ZNF804A: variants seen among roughly 807,000 people sequenced by gnomAD.
ZNF804A encodes zinc finger protein 804A.
ZNF804A carries 2 observed loss-of-function variants against 16.5 expected under a neutral mutation model. That is an observed-to-expected ratio of 0.12 (90% CI 0.05 to 0.38). The LOEUF is 0.38. Ranked by LOEUF, ZNF804A falls within the 10% of genes least tolerant of loss-of-function variation. ZNF804A has a pLI of 0.99. For missense variants in ZNF804A, 1,473 were observed against 1,390.7 expected, an observed-to-expected ratio of 1.06 and a Z score of -0.94; for synonymous variants, 534 against 489.6, an observed-to-expected ratio of 1.09 and a Z score of -1.20.
chr2:184,799,892 A>G (rs988446017), intron 1 of ZNF804A, among the ~76,000 whole-genome samples: 2 of 152,126 alleles, frequency 1.3e-5, no homozygotes, highest in Non-Finnish European at 2.9e-5. Context: ...TATGATTACT[A>G]TCAATTGCCT....
intron 1 of ZNF804A, among the ~76,000 whole-genome samples, chr2:184,623,490 C>T (rs1354010496): frequency 6.6e-6 from 1 of 151,980 alleles, no homozygotes; most frequent in Non-Finnish European, 1.5e-5. Flanking sequence ...AAGGGTGGGT[C>T]ACATTTTTCA....
chr2:184,931,269 G>A (rs899447513), intron 2 of ZNF804A, among the ~76,000 whole-genome samples: 5 of 152,206 alleles, frequency 3.3e-5, no homozygotes, highest in African/African-American at 1.2e-4. Context: ...GACTCTATGT[G>A]GGGGATCCCA....
At chr2:184,895,355 A>C (rs1454963836) in intron 2 of ZNF804A, among the ~76,000 whole-genome samples, 1 of 152,042 alleles carries the variant, frequency 6.6e-6, no homozygotes, top group Non-Finnish European at 1.5e-5. Flanking sequence ...TCAATAACTT[A>C]AATATGAATC....
intron 1 of ZNF804A, among the ~76,000 whole-genome samples, chr2:184,653,245 G>A (rs971610379): frequency 1.3e-5 from 2 of 152,106 alleles, no homozygotes; most frequent in African/African-American, 4.8e-5. Flanking sequence ...GGCTTGTTAA[G>A]AATTAAAAAC....
chr2:184,671,057 A>T (rs987031789), intron 1 of ZNF804A, among the ~76,000 whole-genome samples: 1 of 152,146 alleles, frequency 6.6e-6, no homozygotes, highest in African/African-American at 2.4e-5. Flanking sequence ...GTAATTATGG[A>T]TGTAGAACTG....
chr2:184,744,172 T>C (rs889415664), intron 1 of ZNF804A, among the ~76,000 whole-genome samples: 8 of 151,894 alleles, frequency 5.3e-5, no homozygotes, highest in South Asian at 2.1e-4. Context: ...GCCTTTACTT[T>C]TCTGCTCTTC....
chr2:184,896,408 C>A (rs1489388585), intron 2 of ZNF804A, among the ~76,000 whole-genome samples: 1 of 152,148 alleles, frequency 6.6e-6, no homozygotes, highest in African/African-American at 2.4e-5. Flanking sequence ...TCCAGGGAGT[C>A]ATGGCGCCAT....
chr2:184,886,756 G>A (rs1684897684), intron 2 of ZNF804A, among the ~76,000 whole-genome samples: 1 of 152,226 alleles, frequency 6.6e-6, no homozygotes, highest in Admixed American at 6.5e-5. Flanking sequence ...TTCAGCCATG[G>A]CTGGAGCAGC....
At chr2:184,626,259 T>C (rs1691496755) in intron 1 of ZNF804A, among the ~76,000 whole-genome samples, 1 of 152,190 alleles carries the variant, frequency 6.6e-6, no homozygotes, top group South Asian at 2.1e-4. Context: ...TTAATTAGTA[T>C]TTTGAGAGCA....
intron 1 of ZNF804A, among the ~76,000 whole-genome samples, chr2:184,664,509 T>C (rs1175470250): frequency 6.6e-6 from 1 of 152,228 alleles, no homozygotes; most frequent in South Asian, 2.1e-4. Flanking sequence ...GTAAGTTTGA[T>C]AAACCTATTC....
intron 1 of ZNF804A, among the ~76,000 whole-genome samples, chr2:184,865,061 G>T (rs2105810627): frequency 6.6e-6 from 1 of 151,840 alleles, no homozygotes; most frequent in East Asian, 2.0e-4. Context: ...TATATTTTTA[G>T]TAGAGACAGT....
At chr2:184,696,557 T>A (rs1021990153) in intron 1 of ZNF804A, among the ~76,000 whole-genome samples, 1 of 152,180 alleles carries the variant, frequency 6.6e-6, no homozygotes, top group Admixed American at 6.5e-5. Context: ...TGTAAAATTC[T>A]TATTATTTCA....
chr2:184,725,923 A>C (rs1467553643), intron 1 of ZNF804A, among the ~76,000 whole-genome samples: 1 of 151,630 alleles, frequency 6.6e-6, no homozygotes, highest in Non-Finnish European at 1.5e-5. Context: ...ATTCAGCATG[A>C]TGTTCCTGAG....
At chr2:184,710,856 A>T (rs1693114478) in intron 1 of ZNF804A, among the ~76,000 whole-genome samples, 1 of 151,834 alleles carries the variant, frequency 6.6e-6, no homozygotes, top group Admixed American at 6.6e-5. Context: ...GTTAAGGCTG[A>T]ATAGTATTTC....
At chr2:184,808,641 C>G (rs1324831772) in intron 1 of ZNF804A, among the ~76,000 whole-genome samples, 2 of 151,198 alleles carry the variant, frequency 1.3e-5, no homozygotes, top group African/African-American at 2.4e-5. Context: ...CACTAATACA[C>G]TTTTATGCCT....
chr2:184,626,423 A>G (rs1023675392), intron 1 of ZNF804A, among the ~76,000 whole-genome samples: 2 of 152,186 alleles, frequency 1.3e-5, no homozygotes, highest in African/African-American at 4.8e-5. Flanking sequence ...TTGTATGCTT[A>G]CTACTTGATA....
In ZNF804A at chr2:184,727,084, A is replaced by G. The variant is rs774614778; in HGVS notation, c.111+128014A>G. On this transcript the variant is annotated intron_variant, in intron 1 of 3. Transcript: ENST00000302277. ...ACATAAAACATAACATTTTCTTTGC[A>G]TTTTCTTAAAAGGAACTTTATATTT... Among the ~76,000 whole-genome samples the G allele has an allele frequency of 5.3e-5, 8 of 151,644 alleles. No homozygotes were observed. In the East Asian group the frequency reaches 7.7e-4, roughly 15 times the overall value.
chr2:184,918,801 A>G (rs1685490444), intron 2 of ZNF804A, among the ~76,000 whole-genome samples: 1 of 152,128 alleles, frequency 6.6e-6, no homozygotes, highest in Admixed American at 6.6e-5. Context: ...CTAGACATCC[A>G]CCAGTAGGGG....
chr2:184,936,457 A>G lies in ZNF804A; in HGVS notation c.1061A>G (p.Glu354Gly). The change falls in exon 4 of 4, where the codon GAG (glutamate) becomes GGG (glycine). Residue 354 changes from glutamate (E) to glycine (G), a missense_variant. Transcript: ENST00000302277. ...EDIPVSGNSF[E>G]LLGNKSTVLD... ...ATACCTGTTAGTGGTAACAGTTTTG[A>G]GTTGTTAGGAAATAAATCCACAGTT... is the stretch of plus-strand genomic sequence containing the variant. 9 of 1,613,958 alleles carry G rather than the reference A, an allele frequency of 5.6e-6. No individual in the cohort carries two copies. Among genetic ancestry groups the G allele is most frequent in the Non-Finnish European group, 7.6e-6 (9 of 1,179,942 alleles).
Sources: allele counts gnomAD v4.1 joint callset (sites outside exome capture counted in the v4.1 genomes callset), GRCh38; gene constraint gnomAD v4.1.1; transcripts MANE v1.5; gene names NCBI Gene and HGNC (gene_info 2026-07-23, HGNC 2026-07-21).